The following TLE5 variants were observed in gnomAD, a reference collection of about 807,000 sequenced individuals.
TLE5 encodes the protein TLE family member 5.
TLE5 carries 7 observed loss-of-function variants against 25.8 expected under a neutral mutation model. That is an observed-to-expected ratio of 0.27 (90% CI 0.15 to 0.51). The LOEUF is 0.51. Ranked by LOEUF, TLE5 falls within the 20% of genes least tolerant of loss-of-function variation. The pLI, the probability that TLE5 is intolerant of heterozygous loss-of-function variation, is 0.97. For missense variants in TLE5, 149 were observed against 250.7 expected (o/e 0.59, Z 2.74); for synonymous variants, 132 against 110.5 (o/e 1.20, Z -1.22).
At chr19:3,054,086 T>TGGGGGGGGCC in intron 6 of TLE5, 34 bp downstream of exon 6, 1 of 1,512,818 alleles carries the variant, frequency 6.6e-7, no homozygotes, top group Non-Finnish European at 8.9e-7. Context: ...GGCCCACCTG[T>TGGGGGGGGCC]CCCCCGCCCA....
chr19:3,062,897 C>T, upstream of TLE5: 1 of 1,235,692 alleles, frequency 8.1e-7, no homozygotes, highest in South Asian at 1.3e-5. Context: ...GTAATGCCGC[C>T]TTCCTGAGGG....
chr19:3,056,734 T>G, intron 3 of TLE5: 1 of 370,044 alleles, frequency 2.7e-6, no homozygotes, highest in Non-Finnish European at 5.4e-6. Flanking sequence ...CCAGGGAAGT[T>G]TGCCTGCCTA....
intron 2 of TLE5, chr19:3,060,878 T>G: frequency 4.2e-6 from 1 of 237,326 alleles, no homozygotes; most frequent in Non-Finnish European, 8.6e-6. Context: ...GGAAGGTCTT[T>G]TATCCAATGG....
chr19:3,062,691 C>T (rs1197669925), upstream of TLE5: 5 of 1,463,894 alleles, frequency 3.4e-6, no homozygotes, highest in Non-Finnish European at 4.5e-6. Flanking sequence ...CCCCGCCACC[C>T]TCTCCTACCC....
chr19:3,056,639 C>A (rs979379455), intron 3 of TLE5: 7 of 639,328 alleles, frequency 1.1e-5, no homozygotes, highest in Non-Finnish European at 2.0e-5. Context: ...GCTCCTCCCC[C>A]ACTCCATGTG....
chr19:3,060,500 C>T (rs2238622), intron 2 of TLE5, among the ~76,000 whole-genome samples: 42,937 of 151,304 alleles, frequency 0.28, 6,646 homozygotes, highest in East Asian at 0.45. Context: ...ACCCAGCTAA[C>T]TATGTATTTT....
In TLE5 at chr19:3,062,187, T is replaced by A; in HGVS notation, c.14A>T (p.Gln5Leu). 8.7e-7 allele frequency: 1 copy of A among 1,154,720 alleles called. No homozygotes were observed. The highest frequency in any genetic ancestry group is 1.1e-6 in the Non-Finnish European group (1 of 937,732). 71.5% of individuals were successfully genotyped at this position (1,154,720 alleles called of 1,614,324 possible). A position where few individuals can be genotyped will look rare whatever the true frequency, so the allele number is the denominator to read the frequency against. Residue 5 changes from glutamine (Q) to leucine (L), a missense_variant, in exon 1 of 7, where the codon CAA (glutamine) becomes CTA (leucine). Gln to Leu is a moderately radical substitution (Grantham distance 113, BLOSUM62 -2). Transcript: ENST00000327141. MMFPQSRHSGSSHLP... is the reference protein window; with the variant it reads MMFPLSRHSGSSHLP... ...GGCCCCGCTTACCGAATGCCTGCTT[T>A]GTGGAAACATCATGTCAATCGCGGC...
intron 5 of TLE5, chr19:3,054,427 C>A (rs762315795): frequency 1.8e-5 from 11 of 594,752 alleles, no homozygotes; most frequent in Non-Finnish European, 2.7e-5. Context: ...GTGCAGAAAA[C>A]AATTAAAAGG....
intron 2 of TLE5, among the ~76,000 whole-genome samples, chr19:3,060,338 T>TTC (rs2090255541): frequency 7.1e-6 from 1 of 141,070 alleles, no homozygotes; most frequent in Non-Finnish European, 1.5e-5. Context: ...CTTTTTTTTT[T>TTC]TTTTTTTTTT....
intron 2 of TLE5, among the ~76,000 whole-genome samples, chr19:3,058,719 C>A (rs1009372056): frequency 2.0e-5 from 3 of 152,152 alleles, no homozygotes; most frequent in Non-Finnish European, 4.4e-5. Context: ...GCGTCATGGC[C>A]GGAGGGAAGA....
Position 3,054,209 on chromosome 19 carries a change from G to C in TLE5, c.298-15C>G. On this transcript the variant is annotated splice_polypyrimidine_tract_variant and intron_variant, in intron 5 of 6. Coordinates refer to ENST00000327141, the MANE Select transcript of TLE5 (RefSeq NM_001130.6). ...TGCTGCTGGTGCTGGAAGGGGGTCG[G>C]GGGAGAGGAGAGGCAGTGATTCCTC... 1 of 1,606,836 alleles carries C rather than the reference G, an allele frequency of 6.2e-7. No homozygotes were observed. The highest frequency in any genetic ancestry group is 8.5e-7 in the Non-Finnish European group (1 of 1,178,596).
At chr19:3,057,812 C>A in intron 2 of TLE5, 70 bp from the exon 3 acceptor site, 7 of 1,450,982 alleles carry the variant, frequency 4.8e-6, no homozygotes, top group Non-Finnish European at 6.7e-6. Flanking sequence ...CCTCCGTTAT[C>A]CAGGGGAGGA....
intron 2 of TLE5, among the ~76,000 whole-genome samples, chr19:3,059,897 C>T (rs1353342989): frequency 6.6e-6 from 1 of 152,212 alleles, no homozygotes. Flanking sequence ...CTGTCAGTGT[C>T]TCAGTTTGCC....
intron 4 of TLE5, 28 bp downstream of exon 4, chr19:3,056,272 AAGGAGGAGGAGG>A (rs756419198): frequency 1.6e-5 from 19 of 1,206,552 alleles, no homozygotes; most frequent in East Asian, 3.4e-5. Flanking sequence ...GAGGAGGGGG[AAGGAGGAGGAGG>A]AGGAGGAGGA....
chr19:3,062,030 G>T, intron 1 of TLE5, 144 bp downstream of exon 1: 1 of 190,588 alleles, frequency 5.2e-6, no homozygotes, highest in Non-Finnish European at 9.5e-6. Context: ...GCTGGAGAGG[G>T]AAGACAGGGC....
At chr19:3,060,716 C>T (rs2090259130) in intron 2 of TLE5, among the ~76,000 whole-genome samples, 1 of 152,122 alleles carries the variant, frequency 6.6e-6, no homozygotes, top group African/African-American at 2.4e-5. Flanking sequence ...TCAGAAACGC[C>T]AGATTTCTGA....
chr19:3,054,982 C>A (rs1409465463), intron 5 of TLE5: 1 of 152,350 alleles, frequency 6.6e-6, no homozygotes, highest in Non-Finnish European at 1.5e-5. Flanking sequence ...ATGGGCCTTA[C>A]ATGGCCCTGG....
At position 3,056,367 on chromosome 19, in the gene TLE5, G is replaced by C. The variant is rs1482936672; in HGVS notation, c.190-11C>G. 9.0e-7 allele frequency: 1 copy of C among 1,116,890 alleles called. No individual in the cohort carries two copies. Among genetic ancestry groups the C allele is most frequent in the East Asian group, 6.5e-5 (1 of 15,330 alleles). The allele number at this position is 1,116,890 out of a possible 1,614,324, so 69.2% of individuals were successfully genotyped here. The stretch of plus-strand genomic sequence containing the variant: ...GGACATCTCGTAGTACTGTATGGGG[G>C]AGAGAGAGGGGGAGCGGGAGATGGG... On this transcript the variant is annotated splice_polypyrimidine_tract_variant and intron_variant, in intron 3 of 6. Coordinates refer to ENST00000327141, the MANE Select transcript of TLE5 (RefSeq NM_001130.6).
intron 2 of TLE5, among the ~76,000 whole-genome samples, chr19:3,059,121 G>A (rs1015571861): frequency 5.9e-5 from 9 of 152,288 alleles, no homozygotes; most frequent in Admixed American, 5.2e-4. Context: ...TTGCTCCACC[G>A]GAGAAGAGTG....
Sources: gnomAD v4.1 joint callset for allele counts (sites outside exome capture counted in the v4.1 genomes callset) on GRCh38, gnomAD v4.1.1 for gene constraint, MANE v1.5 for transcripts, NCBI Gene and HGNC (gene_info 2026-07-23, HGNC 2026-07-21) for gene names.